Variants in DGKG observed in about 807,000 individuals in gnomAD.
The protein encoded by DGKG is DAG kinase gamma.
A neutral mutation model predicts 105.3 loss-of-function variants in DGKG; 78 were observed. The observed-to-expected ratio is 0.74, with a 90% CI of 0.62 to 0.89. DGKG has a LOEUF of 0.89. DGKG is among the 40% of genes least tolerant of loss of function. DGKG has a pLI of 0.00. For synonymous variants in DGKG, 346 were observed against 367.1 expected, an observed-to-expected ratio of 0.94 and a Z score of 0.66; for missense variants, 958 against 1,020.1, an observed-to-expected ratio of 0.94 and a Z score of 0.83.
At chr3:186,274,583 T>A (rs1722489913) in intron 10 of DGKG, among the ~76,000 whole-genome samples, 1 of 130,610 alleles carries the variant, frequency 7.7e-6, no homozygotes, top group South Asian at 2.5e-4. Flanking sequence ...TTCCCCACTC[T>A]GTGTCCAAGT....
intron 20 of DGKG, 33 bp downstream of exon 20, chr3:186,242,471 G>A (rs750026740): frequency 6.3e-7 from 1 of 1,586,500 alleles, no homozygotes; most frequent in Non-Finnish European, 8.6e-7. Context: ...GCCACACTGG[G>A]TGGGTGGCAG....
intron 2 of DGKG, among the ~76,000 whole-genome samples, chr3:186,320,040 G>A (rs545435518): frequency 2.8e-4 from 42 of 152,326 alleles, no homozygotes; most frequent in Admixed American, 7.2e-4. Context: ...ATATTAGGCG[G>A]AAAATGCAGG....
chr3:186,161,822 G>C (rs1326244730), intron 23 of DGKG, among the ~76,000 whole-genome samples, 159 bp from the exon 24 acceptor site: 1 of 152,210 alleles, frequency 6.6e-6, no homozygotes, highest in Non-Finnish European at 1.5e-5. Flanking sequence ...AGATTTCTGA[G>C]ACCACCTCAG....
intron 19 of DGKG, 81 bp from the exon 20 acceptor site, chr3:186,242,649 C>T: frequency 8.2e-7 from 1 of 1,223,214 alleles, no homozygotes; most frequent in East Asian, 2.5e-5. Context: ...CACGCATGCA[C>T]TCGCTGAGTC....
intron 9 of DGKG, among the ~76,000 whole-genome samples, chr3:186,278,920 A>T (rs771685238): frequency 2.0e-5 from 3 of 152,186 alleles, no homozygotes; most frequent in South Asian, 2.1e-4. Flanking sequence ...TGCTCCTACT[A>T]GTTTTAGTCT....
intron 17 of DGKG, among the ~76,000 whole-genome samples, chr3:186,256,566 C>T (rs796341255): frequency 1.2e-4 from 19 of 152,320 alleles, no homozygotes; most frequent in African/African-American, 4.6e-4. Context: ...CTGTCATGTT[C>T]CTCCTTTGCT....
Position 186,149,678 on chromosome 3 carries a change from C to G in DGKG, c.*412G>C, listed in dbSNP as rs1313556428. On this transcript the variant is annotated 3_prime_UTR_variant, in exon 25 of 25. Transcript: ENST00000265022. ...CCAGAGCTCCTTCCCTTGGCCACAT[C>G]TGATCTCACCATAGGCAGGAAACCT... The G allele has an allele frequency of 1.0e-6, 1 of 996,620 alleles. No individual in the cohort carries two copies. Among genetic ancestry groups the G allele is most frequent in the Admixed American group, 5.8e-5 (1 of 17,140 alleles). 61.7% of individuals were successfully genotyped at this position (996,620 alleles called of 1,614,324 possible). A position where few individuals can be genotyped will look rare whatever the true frequency, so the allele number is the denominator to read the frequency against.
chr3:186,185,253 C>G (rs1717568653), intron 22 of DGKG, among the ~76,000 whole-genome samples: 1 of 152,192 alleles, frequency 6.6e-6, no homozygotes, highest in South Asian at 2.1e-4. Context: ...GTGCTGGCAT[C>G]TCTGCAAAGC....
chr3:186,273,985 C>T (rs180682717), intron 10 of DGKG, among the ~76,000 whole-genome samples: 1 of 152,202 alleles, frequency 6.6e-6, no homozygotes, highest in East Asian at 1.9e-4. Context: ...TCCCTGTGTC[C>T]CCTTCTTTCC....
At chr3:186,213,830 G>C (rs1189713751) in intron 20 of DGKG, among the ~76,000 whole-genome samples, 1 of 152,190 alleles carries the variant, frequency 6.6e-6, no homozygotes, top group Non-Finnish European at 1.5e-5. Flanking sequence ...TGAAAACATG[G>C]AAAAGGACAG....
At chr3:186,349,524 T>G (rs974344299) in intron 1 of DGKG, among the ~76,000 whole-genome samples, 44 of 152,340 alleles carry the variant, frequency 2.9e-4, no homozygotes, top group African/African-American at 1.0e-3. Flanking sequence ...TTGGAGATTT[T>G]TAAGTTTATG....
intron 3 of DGKG, among the ~76,000 whole-genome samples, chr3:186,299,941 C>G (rs1723841791): frequency 6.6e-6 from 1 of 151,486 alleles, no homozygotes. Context: ...TTCAAGTGAT[C>G]CTCACGCCTC....
chr3:186,218,447 T>C lies in DGKG; in HGVS notation c.1827-6562A>G, dbSNP rs151018689. ...TGAACCAGGGAGTTGGAGGTTGCAA[T>C]GAGCCGAGATCGCGCCACTGCACTC... On this transcript the variant is annotated intron_variant, in intron 20 of 24. Transcript: ENST00000265022. 4.5e-3 allele frequency among the ~76,000 whole-genome samples: 604 copies of C among 134,660 alleles called. 28 individuals are homozygous for C. In the East Asian group the frequency reaches 0.12, roughly 26 times the overall value. The allele number at this position is 134,660 out of a possible 152,430, so 88.3% of individuals were successfully genotyped here. A position where few individuals can be genotyped will look rare whatever the true frequency, so the allele number is the denominator to read the frequency against.
chr3:186,324,431 G>A (rs1312121075), intron 1 of DGKG, among the ~76,000 whole-genome samples: 1 of 151,546 alleles, frequency 6.6e-6, no homozygotes. Flanking sequence ...TGCAATGCCT[G>A]CACATAGCAA....
At position 186,150,045 on chromosome 3, in the gene DGKG, G is replaced by A; in HGVS notation, c.*45C>T. ...AAATTGTGTGTGAGTGTGCATTATA[G>A]TTTCTTGCTTTCTCTCTTGGTTTAG... On this transcript the variant is annotated 3_prime_UTR_variant, in exon 25 of 25. Transcript: ENST00000265022. The A allele has an allele frequency of 6.3e-7, 1 of 1,585,298 alleles. No homozygotes were observed. Among genetic ancestry groups the A allele is most frequent in the Non-Finnish European group, 8.6e-7 (1 of 1,164,774 alleles).
intron 19 of DGKG, 37 bp from the exon 20 acceptor site, chr3:186,242,605 T>C (rs899370697): frequency 6.3e-7 from 1 of 1,596,998 alleles, no homozygotes. Context: ...CCTTGGTGAG[T>C]GGTCATGACA....
chr3:186,343,156 A>G (rs1364375023), intron 1 of DGKG, among the ~76,000 whole-genome samples: 1 of 152,242 alleles, frequency 6.6e-6, no homozygotes, highest in East Asian at 1.9e-4. Context: ...AGCTTAGTCT[A>G]TCGCTTGTGA....
chr3:186,157,805 C>T (rs901999687), intron 24 of DGKG, among the ~76,000 whole-genome samples: 2 of 152,082 alleles, frequency 1.3e-5, no homozygotes, highest in African/African-American at 4.8e-5. Flanking sequence ...TGAGTTCAAG[C>T]GATTCTCATG....
chr3:186,227,939 G>A (rs1719933766), intron 20 of DGKG, among the ~76,000 whole-genome samples: 1 of 152,144 alleles, frequency 6.6e-6, no homozygotes, highest in African/African-American at 2.4e-5. Context: ...ATGCAAAAGG[G>A]CAACAATTTT....
Sources: allele counts gnomAD v4.1 joint callset (sites outside exome capture counted in the v4.1 genomes callset), GRCh38; gene constraint gnomAD v4.1.1; transcripts MANE v1.5; gene names NCBI Gene and HGNC (gene_info 2026-07-23, HGNC 2026-07-21).